The following ZNF571 variants were observed in gnomAD, a reference collection of about 807,000 sequenced individuals.
ZNF571 encodes zinc finger protein 571.
A neutral mutation model predicts 7.7 loss-of-function variants in ZNF571; 4 were observed. The ratio of observed to expected loss-of-function variants is 0.52; its 90% CI spans 0.25 to 1.18. ZNF571 has a LOEUF of 1.18. Among genes scored for constraint, ZNF571 ranks in the 50% most tolerant of loss-of-function variants. The pLI, the probability that ZNF571 is intolerant of heterozygous loss-of-function variation, is 0.14. For missense variants in ZNF571, 704 were observed against 726.9 expected (o/e 0.97, Z 0.36); for synonymous variants, 251 against 232.4 (o/e 1.08, Z -0.73).
chr19:37,594,335 G>A (rs2043953374), intron 1 of ZNF571: 1 of 152,388 alleles, frequency 6.6e-6, no homozygotes. Flanking sequence ...AGCATTAACA[G>A]GCGGCAGGTG....
Position 37,565,686 on chromosome 19 carries a change from C to T in ZNF571, c.742G>A (p.Glu248Lys). ...CATTTCTTACATTCATATGGTTTCT[C>T]TCCTGTATGAACTCTCTGATGTTCA... ...LTEHQRVHTG[E>K]KPYECKKCGK... Residue 248 changes from glutamate (E) to lysine (K), a missense_variant, in exon 4 of 4, where the codon GAG (glutamate) becomes AAG (lysine). By Grantham distance (56) the Glu-to-Lys change is moderately conservative. Transcript: ENST00000451802. 6.2e-7 allele frequency: 1 copy of T among 1,613,782 alleles called. No homozygotes were observed. Among genetic ancestry groups the T allele is most frequent in the Non-Finnish European group, 8.5e-7 (1 of 1,179,884 alleles).
intron 2 of ZNF571, chr19:37,586,118 G>A (rs1419355816): frequency 6.6e-6 from 1 of 152,536 alleles, no homozygotes. Context: ...ATTGATTTAA[G>A]CCACTAAATT....
Position 37,566,246 on chromosome 19 carries a change from T to G in ZNF571, c.182A>C (p.Glu61Ala), listed in dbSNP as rs376742861. Residue 61 changes from glutamate to alanine, a missense_variant, in exon 4 of 4, where the codon GAA (glutamate) becomes GCA (alanine). Coordinates refer to ENST00000451802, the MANE Select transcript of ZNF571 (RefSeq NM_016536.5). ...CTGGAGTGATTCCATTTCATAAATT[T>G]CCTTTTCTGGAGATAACTTTTTGGT... ...CVTKKLSPEK[E>A]IYEMESLQWE... 2 of 1,613,414 alleles carry G rather than the reference T, an allele frequency of 1.2e-6. No homozygotes were observed. Among genetic ancestry groups the G allele is most frequent in the African/African-American group, 2.7e-5 (2 of 74,908 alleles).
At position 37,564,379 on chromosome 19, in the gene ZNF571, G is replaced by A; in HGVS notation, c.*219C>T. The A allele has an allele frequency of 2.6e-6, 1 of 383,224 alleles. No individual in the cohort carries two copies. The highest frequency in any genetic ancestry group is 4.6e-6 in the Non-Finnish European group (1 of 217,458). 23.7% of individuals were successfully genotyped at this position (383,224 alleles called of 1,614,324 possible). On this transcript the variant is annotated 3_prime_UTR_variant, in exon 4 of 4. Transcript: ENST00000451802. ...ATTTCAGTTAGGATATGGTGAAATG[G>A]AGATGATGCTTAATAAAGGATATAA...
chr19:37,564,527 G>T lies in ZNF571; in HGVS notation c.*71C>A. On this transcript the variant is annotated 3_prime_UTR_variant, in exon 4 of 4. Coordinates refer to ENST00000451802, the MANE Select transcript of ZNF571 (RefSeq NM_016536.5). The stretch of plus-strand genomic sequence containing the variant: ...ATGAGCAGATTCTGAGCAGAAGCAA[G>T]ATGTTCTACATTCATTATAGATATG... The T allele has an allele frequency of 7.3e-7, 1 of 1,361,494 alleles. No homozygotes were observed. Among genetic ancestry groups the T allele is most frequent in the Non-Finnish European group, 9.7e-7 (1 of 1,034,474 alleles). 84.3% of individuals were successfully genotyped at this position (1,361,494 alleles called of 1,614,324 possible).
chr19:37,580,369 G>A (rs1023619701), intron 3 of ZNF571, among the ~76,000 whole-genome samples: 7 of 152,284 alleles, frequency 4.6e-5, no homozygotes, highest in African/African-American at 1.4e-4. Flanking sequence ...ATATTTTCAG[G>A]TTATACACTC....
intron 3 of ZNF571, among the ~76,000 whole-genome samples, chr19:37,571,083 C>A (rs1460662521): frequency 6.6e-6 from 1 of 152,186 alleles, no homozygotes; most frequent in Non-Finnish European, 1.5e-5. Flanking sequence ...ATTGTGTATT[C>A]ATCTGTAGCT....
Position 37,565,343 on chromosome 19 carries a change from G to T in ZNF571, c.1085C>A (p.Pro362His), listed in dbSNP as rs1477736068. The change falls in exon 4 of 4, where the codon CCC becomes CAC. Residue 362 changes from proline (P) to histidine (H), a missense_variant. By Grantham distance (77) the Pro-to-His change is moderately conservative (BLOSUM62 -2). Coordinates refer to ENST00000451802, the MANE Select transcript of ZNF571 (RefSeq NM_016536.5). ...CTTCCCGCATTCTTTACATTCATAG[G>T]GTTTCTCTCCTGTATGAATTCTCTG... ...EHQRIHTGEK[P>H]YECKECGKTF... 2 of 1,613,292 alleles carry T rather than the reference G, an allele frequency of 1.2e-6. No homozygotes were observed. Among genetic ancestry groups the T allele is most frequent in the Admixed American group, 3.3e-5 (2 of 59,892 alleles).
chr19:37,566,485 G>A, intron 3 of ZNF571, 194 bp from the exon 4 acceptor site: 1 of 597,146 alleles, frequency 1.7e-6, no homozygotes, highest in Non-Finnish European at 2.7e-6. Flanking sequence ...AGGAAAGAAG[G>A]TAATTAGAAA....
intron 1 of ZNF571, among the ~76,000 whole-genome samples, chr19:37,593,126 T>G (rs547351282): frequency 7.0e-6 from 1 of 143,028 alleles, no homozygotes; most frequent in Non-Finnish European, 1.5e-5. Context: ...TTATTGTTAG[T>G]TTTTTTTTTT....
chr19:37,574,646 C>G (rs1408824075), intron 3 of ZNF571, among the ~76,000 whole-genome samples: 2 of 152,114 alleles, frequency 1.3e-5, no homozygotes, highest in Non-Finnish European at 2.9e-5. Flanking sequence ...ATCACCATAC[C>G]TAAACTTTTC....
chr19:37,589,884 A>AAAAAAAAAC, intron 1 of ZNF571, among the ~76,000 whole-genome samples: 2 of 149,920 alleles, frequency 1.3e-5, no homozygotes, highest in South Asian at 2.1e-4. Flanking sequence ...AAAAAAAAAA[A>AAAAAAAAAC]AAAGCACACT....
intron 3 of ZNF571, among the ~76,000 whole-genome samples, chr19:37,582,462 TG>T (rs1302362927): frequency 6.6e-6 from 1 of 152,202 alleles, no homozygotes; most frequent in Non-Finnish European, 1.5e-5. Flanking sequence ...GACTGAATGT[TG>T]GAACACCCCA....
At chr19:37,571,068 C>T (rs1600476918) in intron 3 of ZNF571, among the ~76,000 whole-genome samples, 1 of 152,156 alleles carries the variant, frequency 6.6e-6, no homozygotes, top group South Asian at 2.1e-4. Flanking sequence ...GACTTAGAAT[C>T]ACTCATTGTG....
intron 1 of ZNF571, among the ~76,000 whole-genome samples, chr19:37,588,099 CAAAAAAAAAAAAAAAAA>C (rs58516591): frequency 6.6e-5 from 3 of 45,742 alleles, no homozygotes; most frequent in African/African-American, 8.6e-5. Context: ...GACTCCATCT[CAAAAAAAAAAAAAAAAA>C]AAAAAAAAAA....
At chr19:37,568,988 G>A (rs2042966095) in intron 3 of ZNF571, among the ~76,000 whole-genome samples, 2 of 151,144 alleles carry the variant, frequency 1.3e-5, no homozygotes, top group Admixed American at 6.6e-5. Context: ...ATGGAGTCTC[G>A]CTCTGTCATC....
chr19:37,564,835 T>A lies in ZNF571; in HGVS notation c.1593A>T (p.Glu531Asp), dbSNP rs971403189. The change falls in exon 4 of 4, where the codon GAA (glutamate) becomes GAT (aspartate). Residue 531 changes from glutamate to aspartate, a missense_variant. Glu to Asp is a conservative substitution (Grantham distance 45, BLOSUM62 2). Transcript: ENST00000451802. Reference sequence around the variant, plus strand: ...TAAAAGCCTTCCCACACTGTTTACATTCATAAGGTTTTTCACCTCTGTGAA... The same window carrying A: ...TAAAAGCCTTCCCACACTGTTTACAATCATAAGGTTTTTCACCTCTGTGAA... ...QRIHRGEKPY[E>D]CKQCGKAFIR... 2.5e-6 allele frequency: 4 copies of A among 1,614,062 alleles called. No individual in the cohort carries two copies. Among genetic ancestry groups the A allele is most frequent in the Middle Eastern group, 1.7e-4 (1 of 6,056 alleles).
Position 37,565,359 on chromosome 19 carries a change from G to T in ZNF571, c.1069C>A (p.His357Asn). The T allele has an allele frequency of 6.2e-7, 1 of 1,613,752 alleles. No homozygotes were observed. The highest frequency in any genetic ancestry group is 1.1e-5 in the South Asian group (1 of 91,012). ...ASQLNEHQRI[H>N]TGEKPYECKE... ...CATTCATAGGGTTTCTCTCCTGTAT[G>T]AATTCTCTGATGTTCATTCAGTTGG... The change falls in exon 4 of 4, where the codon CAT becomes AAT. Residue 357 changes from histidine (H) to asparagine (N), a missense_variant. Physicochemically the swap from His to Asn is moderately conservative, Grantham distance 68. Coordinates refer to ENST00000451802, the MANE Select transcript of ZNF571 (RefSeq NM_016536.5).
At position 37,584,030 on chromosome 19, in the gene ZNF571, G is replaced by GCAGGGTC. The variant is rs1568356364; in HGVS notation, c.70_76dup (p.Ala26GlyfsTer41). 1 of 1,614,082 alleles carries GCAGGGTC rather than the reference G, an allele frequency of 6.2e-7. No homozygotes were observed. Among genetic ancestry groups the GCAGGGTC allele is most frequent in the Non-Finnish European group, 8.5e-7 (1 of 1,179,960 alleles). On this transcript the variant is annotated frameshift_variant, in exon 3 of 4. Coordinates refer to ENST00000451802, the MANE Select transcript of ZNF571 (RefSeq NM_016536.5). LOFTEE classifies it high-confidence loss of function. ...CACATCCCTGTACAAGTCCCTCTGAGCAGGGTCCAGGCATTCCCATTCCTC... is the reference window on the plus strand; with the variant it reads ...CACATCCCTGTACAAGTCCCTCTGAGCAGGGTCCAGGGTCCAGGCATTCCCATTCCTC...
Sources: allele counts gnomAD v4.1 joint callset (sites outside exome capture counted in the v4.1 genomes callset), GRCh38; gene constraint gnomAD v4.1.1; transcripts MANE v1.5; gene names NCBI Gene and HGNC (gene_info 2026-07-23, HGNC 2026-07-21).